Variants in TMEM14A observed in about 807,000 individuals in gnomAD.
TMEM14A encodes the protein transmembrane protein 14A.
In TMEM14A, 8 loss-of-function variants were observed where a neutral mutation model predicts 11.6. That is an observed-to-expected ratio of 0.69 (90% CI 0.40 to 1.24). TMEM14A has a LOEUF of 1.24. Ranked by LOEUF, TMEM14A falls within the 50% of genes most tolerant of loss-of-function variation. The pLI is 0.01. For missense variants in TMEM14A, 108 were observed against 121.9 expected (o/e 0.89, Z 0.54); for synonymous variants, 34 against 45.5 (o/e 0.75, Z 1.02).
rs141343929 is a variant in TMEM14A, at chr6:52,685,354, A to T, written c.261-656A>T. Among the ~76,000 whole-genome samples the T allele has an allele frequency of 2.9e-4, 44 of 152,100 alleles. No homozygotes were observed. In the East Asian group the frequency reaches 8.5e-3, roughly 30 times the overall value. On this transcript the variant is annotated intron_variant, in intron 4 of 4. Transcript: ENST00000211314. ...CATGCCTGTAATCCCAGCACTTTGG[A>T]AGGCTTTGGCGGGTGGATCACTTGA...
intron 2 of TMEM14A, among the ~76,000 whole-genome samples, chr6:52,681,593 G>A (rs2127265017): frequency 6.6e-6 from 1 of 152,308 alleles, no homozygotes. Context: ...CTGCACTGCT[G>A]TGCCCTCAGG....
At chr6:52,681,294 A>G (rs1228151891) in intron 2 of TMEM14A, among the ~76,000 whole-genome samples, 1 of 152,098 alleles carries the variant, frequency 6.6e-6, no homozygotes, top group Non-Finnish European at 1.5e-5. Flanking sequence ...GGCCTCTATT[A>G]GTCCTTGAGT....
At position 52,686,337 on chromosome 6, in the gene TMEM14A, A is replaced by G. The variant is rs1769493446; in HGVS notation, c.*288A>G. ...ATATTTGGTATTTTTTGAAAATTCC[A>G]AATACTCATGTCTCAAGTAAGCTTA... On this transcript the variant is annotated 3_prime_UTR_variant, in exon 5 of 5. Coordinates refer to ENST00000211314, the MANE Select transcript of TMEM14A (RefSeq NM_014051.4). 1 of 394,652 alleles carries G rather than the reference A, an allele frequency of 2.5e-6. No individual in the cohort carries two copies. The allele number at this position is 394,652 out of a possible 1,614,324, so 24.4% of individuals were successfully genotyped here.
intron 3 of TMEM14A, among the ~76,000 whole-genome samples, chr6:52,683,480 CAACAAAAA>C (rs1166712491): frequency 4.9e-5 from 5 of 101,352 alleles, no homozygotes; most frequent in Non-Finnish European, 6.1e-5. Flanking sequence ...ACAACAACAA[CAACAAAAA>C]AAAAAAAAAG....
chr6:52,685,521 G>A (rs921067091), intron 4 of TMEM14A, among the ~76,000 whole-genome samples: 1 of 151,938 alleles, frequency 6.6e-6, no homozygotes, highest in African/African-American at 2.4e-5. Context: ...GGAGGTGGAG[G>A]TTGCAGTGAG....
chr6:52,682,757 C>T (rs1320608185), intron 3 of TMEM14A, among the ~76,000 whole-genome samples: 1 of 151,910 alleles, frequency 6.6e-6, no homozygotes, highest in Admixed American at 6.6e-5. Context: ...TTTTTTATAT[C>T]AATAAACAGT....
In TMEM14A at chr6:52,680,704, T is replaced by TATATATATATATATATATATACACAC. The variant is rs371102796; in HGVS notation, c.71-1108_71-1107insTATATATATATATATATATACACACA. Among the ~76,000 whole-genome samples, 191 of 51,086 alleles carry TATATATATATATATATATATACACAC rather than the reference T, an allele frequency of 3.7e-3. 26 individuals are homozygous for TATATATATATATATATATATACACAC. Among genetic ancestry groups the TATATATATATATATATATATACACAC allele is most frequent in the Non-Finnish European group, 6.8e-3 (153 of 22,620 alleles). The allele number at this position is 51,086 out of a possible 152,430, so 33.5% of individuals were successfully genotyped here. A position where few individuals can be genotyped will look rare whatever the true frequency, so the allele number is the denominator to read the frequency against. On this transcript the variant is annotated intron_variant, in intron 2 of 4. Transcript: ENST00000211314. The stretch of plus-strand genomic sequence containing the variant: ...ATATACATATATGTATATATATATA[T>TATATATATATATATATATATACACAC]ACACATATATATATGGCATGGATGA...
chr6:52,680,581 ATATTTATATATT>A (rs1375266910), intron 2 of TMEM14A, among the ~76,000 whole-genome samples: 1 of 60,724 alleles, frequency 1.6e-5, no homozygotes, highest in Non-Finnish European at 4.3e-5. Context: ...AAGCCACTAT[ATATTTATATATT>A]TATATATATA....
chr6:52,685,244 C>G (rs779342952), intron 4 of TMEM14A, among the ~76,000 whole-genome samples: 39 of 152,120 alleles, frequency 2.6e-4, no homozygotes, highest in African/African-American at 7.0e-4. Flanking sequence ...CAAAAGACAG[C>G]TTTCCAGTTA....
Position 52,681,767 on chromosome 6 carries a change from C to G in TMEM14A, c.71-46C>G, listed in dbSNP as rs1769395261. 2.0e-6 allele frequency: 3 copies of G among 1,511,128 alleles called. No individual in the cohort carries two copies. The Admixed American group carries it at 5.0e-5, about 25-fold the overall frequency. 93.6% of individuals were successfully genotyped at this position (1,511,128 alleles called of 1,614,324 possible). A position where few individuals can be genotyped will look rare whatever the true frequency, so the allele number is the denominator to read the frequency against. On this transcript the variant is annotated intron_variant, in intron 2 of 4. Transcript: ENST00000211314. The stretch of plus-strand genomic sequence containing the variant: ...TAGAAGTAATGGAATGAATTCCTTT[C>G]CTTTTGGGATTCTCTTTGTGATCTC...
intron 2 of TMEM14A, among the ~76,000 whole-genome samples, chr6:52,678,310 AGTGTGTGTATGTGTGTGTTT>A (rs1380286268): frequency 0.01 from 1,467 of 140,640 alleles, 7 homozygotes; most frequent in South Asian, 0.032. Context: ...AGATATAGAG[AGTGTGTGTATGTGTGTGTTT>A]GTGTGTGTGT....
At chr6:52,682,077 T>C (rs1437082404) in intron 3 of TMEM14A, among the ~76,000 whole-genome samples, 163 bp downstream of exon 3, 1 of 152,170 alleles carries the variant, frequency 6.6e-6, no homozygotes, top group East Asian at 1.9e-4. Flanking sequence ...AAAGACCTGA[T>C]AAAAAATGAT....
chr6:52,678,364 TGTGTGTGG>T (rs1769303493), intron 2 of TMEM14A, among the ~76,000 whole-genome samples: 2 of 136,750 alleles, frequency 1.5e-5, no homozygotes, highest in East Asian at 2.2e-4. Flanking sequence ...TGTGTGTGTG[TGTGTGTGG>T]AAGGAATCAT....
At chr6:52,674,824 C>A (rs528093293) in intron 1 of TMEM14A, among the ~76,000 whole-genome samples, 3 of 152,014 alleles carry the variant, frequency 2.0e-5, no homozygotes, top group Admixed American at 6.6e-5. Context: ...CAGCTTCCCT[C>A]CCCCATACCC....
At chr6:52,671,826 C>T (rs1292845440) in intron 1 of TMEM14A, among the ~76,000 whole-genome samples, 1 of 152,224 alleles carries the variant, frequency 6.6e-6, no homozygotes, top group Non-Finnish European at 1.5e-5. Context: ...TTGAGCATCA[C>T]ATTTGTGATG....
chr6:52,686,246 C>T lies in TMEM14A; in HGVS notation c.*197C>T. ...TTAACTGTTTTCTAATTGTCAAGCA[C>T]TATTTTCATTAAAAGTGTCTAATGA... On this transcript the variant is annotated 3_prime_UTR_variant, in exon 5 of 5. Coordinates refer to ENST00000211314, the MANE Select transcript of TMEM14A (RefSeq NM_014051.4). 2.2e-6 allele frequency: 1 copy of T among 458,444 alleles called. No homozygotes were observed. The highest frequency in any genetic ancestry group is 3.8e-6 in the Non-Finnish European group (1 of 261,110). The allele number at this position is 458,444 out of a possible 1,614,324, so 28.4% of individuals were successfully genotyped here.
chr6:52,676,889 G>A (rs989312798), intron 1 of TMEM14A, among the ~76,000 whole-genome samples, 198 bp from the exon 2 acceptor site: 5 of 152,152 alleles, frequency 3.3e-5, no homozygotes, highest in Non-Finnish European at 5.9e-5. Flanking sequence ...CTAGGGGGAT[G>A]TTGCTAAACC....
intron 2 of TMEM14A, among the ~76,000 whole-genome samples, chr6:52,680,592 T>TA (rs1491360201): frequency 0.39 from 34,968 of 90,748 alleles, 7,720 homozygotes; most frequent in Non-Finnish European, 0.5. Context: ...TATTTATATA[T>TA]TTATATATAT....
At chr6:52,673,172 T>G (rs959273239) in intron 1 of TMEM14A, among the ~76,000 whole-genome samples, 1 of 152,162 alleles carries the variant, frequency 6.6e-6, no homozygotes, top group Non-Finnish European at 1.5e-5. Flanking sequence ...CAGCAATAAT[T>G]AAAGCATACC....
Sources: allele counts gnomAD v4.1 joint callset (sites outside exome capture counted in the v4.1 genomes callset), GRCh38; gene constraint gnomAD v4.1.1; transcripts MANE v1.5; gene names NCBI Gene and HGNC (gene_info 2026-07-23, HGNC 2026-07-21).